The following ADAMTS17 variants were observed in gnomAD, a reference collection of about 807,000 sequenced individuals.
ADAMTS17 encodes the protein ADAM metallopeptidase with thrombospondin type 1 motif 17.
ADAMTS17 carries 113 observed loss-of-function variants against 141.5 expected under a neutral mutation model. The ratio of observed to expected loss-of-function variants is 0.80; its 90% CI spans 0.69 to 0.93. ADAMTS17 has a LOEUF of 0.93. Among genes scored for constraint, ADAMTS17 ranks in the 40% least tolerant of loss-of-function variants. The pLI, the probability that ADAMTS17 is intolerant of heterozygous loss-of-function variation, is 0.00. For missense variants in ADAMTS17, 1,659 were observed against 1,517.9 expected, an observed-to-expected ratio of 1.09 and a Z score of -1.54; for synonymous variants, 768 against 630.6, an observed-to-expected ratio of 1.22 and a Z score of -3.27.
intron 3 of ADAMTS17, among the ~76,000 whole-genome samples, chr15:100,315,947 C>A (rs1272568785): frequency 6.6e-6 from 1 of 152,222 alleles, no homozygotes; most frequent in East Asian, 1.9e-4. Context: ...AAGAGGCTCA[C>A]TTTGGCCAAG....
intron 3 of ADAMTS17, among the ~76,000 whole-genome samples, chr15:100,286,986 G>C (rs917621768): frequency 6.6e-6 from 1 of 152,192 alleles, no homozygotes; most frequent in African/African-American, 2.4e-5. Flanking sequence ...TCAAGAGATC[G>C]AGACCATCCT....
At chr15:100,140,840 C>T (rs559056253) in intron 10 of ADAMTS17, among the ~76,000 whole-genome samples, 12 of 152,160 alleles carry the variant, frequency 7.9e-5, no homozygotes, top group South Asian at 2.1e-4. Context: ...TGAGATGGGG[C>T]GCTCTGTGCT....
chr15:100,232,689 A>G (rs1227239615), intron 7 of ADAMTS17, among the ~76,000 whole-genome samples: 2 of 152,062 alleles, frequency 1.3e-5, no homozygotes, highest in African/African-American at 2.4e-5. Context: ...AAGTTATGTG[A>G]CCCCACCAAG....
At position 99,979,322 on chromosome 15, in the gene ADAMTS17, G is replaced by C. The variant is rs1200508466; in HGVS notation, c.2950-3100C>G. 3 of 152,092 alleles carry C rather than the reference G, an allele frequency of 2.0e-5. No individual in the cohort carries two copies. The East Asian group carries it at 5.8e-4, about 29-fold the overall frequency. The allele number at this position is 152,092 out of a possible 1,614,324, so 9.4% of individuals were successfully genotyped here. A position where few individuals can be genotyped will look rare whatever the true frequency, so the allele number is the denominator to read the frequency against. On this transcript the variant is annotated intron_variant, in intron 20 of 21. Transcript: ENST00000268070. ...GAAAATGGCTTGAACCCAGGAGGTG[G>C]AGGTTGTGGTGAGCTGCGATCGTGC...
chr15:100,063,243 G>C (rs1391324639), intron 15 of ADAMTS17, among the ~76,000 whole-genome samples: 1 of 152,218 alleles, frequency 6.6e-6, no homozygotes, highest in African/African-American at 2.4e-5. Context: ...TTAGACTTAA[G>C]ATTGTTGTTC....
chr15:100,282,420 G>A (rs564940430), intron 3 of ADAMTS17, among the ~76,000 whole-genome samples: 7 of 152,232 alleles, frequency 4.6e-5, no homozygotes, highest in South Asian at 2.1e-4. Context: ...AGACAGTACC[G>A]AGCCCTACAT....
chr15:100,292,572 T>TTATGAGAGACACTA (rs1436876313), intron 3 of ADAMTS17, among the ~76,000 whole-genome samples: 1 of 151,818 alleles, frequency 6.6e-6, no homozygotes, highest in Non-Finnish European at 1.5e-5. Context: ...CCGTGTGAAA[T>TTATGAGAGACACTA]TATGAGAGAC....
chr15:100,262,128 G>T (rs1420616530), intron 5 of ADAMTS17, among the ~76,000 whole-genome samples: 3 of 152,146 alleles, frequency 2.0e-5, no homozygotes, highest in African/African-American at 7.2e-5. Context: ...GGGAGAGGTG[G>T]ATGTGTGTGG....
chr15:100,101,596 T>A (rs1344189098), intron 14 of ADAMTS17, among the ~76,000 whole-genome samples: 2 of 152,236 alleles, frequency 1.3e-5, no homozygotes, highest in Admixed American at 1.3e-4. Flanking sequence ...GGACTGTGTC[T>A]GAGAATTCTT....
chr15:100,101,212 T>C (rs1240922561), intron 14 of ADAMTS17, among the ~76,000 whole-genome samples: 4 of 152,224 alleles, frequency 2.6e-5, no homozygotes, highest in African/African-American at 9.6e-5. Context: ...AGAAATGCCA[T>C]GCCACCTGCT....
chr15:100,324,038 A>AAAG (rs1555509002), intron 3 of ADAMTS17, among the ~76,000 whole-genome samples: 5 of 151,684 alleles, frequency 3.3e-5, no homozygotes, highest in African/African-American at 2.4e-5. Context: ...AAAAAAAAAA[A>AAAG]AAGAAGAAAG....
intron 18 of ADAMTS17, among the ~76,000 whole-genome samples, chr15:100,044,966 C>G (rs186894790): frequency 6.6e-6 from 1 of 152,040 alleles, no homozygotes; most frequent in South Asian, 2.1e-4. Context: ...CGCCACCATG[C>G]CTGGCTAATT....
chr15:100,088,996 A>G (rs2035281572), intron 15 of ADAMTS17, among the ~76,000 whole-genome samples: 2 of 151,470 alleles, frequency 1.3e-5, no homozygotes, highest in South Asian at 4.2e-4. Context: ...AATGGGATCT[A>G]ATTCAACTGA....
intron 15 of ADAMTS17, among the ~76,000 whole-genome samples, chr15:100,082,945 C>CA: frequency 6.6e-6 from 1 of 152,124 alleles, no homozygotes; most frequent in Admixed American, 6.5e-5. Context: ...ACCAAAATAC[C>CA]AGAATGAAGA....
At chr15:100,104,436 T>C (rs1409737183) in intron 14 of ADAMTS17, among the ~76,000 whole-genome samples, 1 of 152,224 alleles carries the variant, frequency 6.6e-6, no homozygotes, top group East Asian at 1.9e-4. Flanking sequence ...CAGAATAAAA[T>C]GGCATTTCCA....
At chr15:100,104,687 A>G (rs1342821680) in intron 14 of ADAMTS17, among the ~76,000 whole-genome samples, 1 of 152,202 alleles carries the variant, frequency 6.6e-6, no homozygotes, top group Non-Finnish European at 1.5e-5. Flanking sequence ...AATGTGGGTG[A>G]TTTGTATGTT....
intron 18 of ADAMTS17, among the ~76,000 whole-genome samples, chr15:100,043,700 G>A (rs1355231235): frequency 6.6e-6 from 1 of 152,248 alleles, no homozygotes; most frequent in Non-Finnish European, 1.5e-5. Flanking sequence ...GAGACCACAT[G>A]TGGCCTGCGA....
intron 15 of ADAMTS17, among the ~76,000 whole-genome samples, chr15:100,093,332 A>C (rs936997600): frequency 2.0e-5 from 3 of 152,070 alleles, no homozygotes; most frequent in African/African-American, 7.2e-5. Context: ...GGACTTCACA[A>C]AATTGGGCAA....
chr15:100,117,147 G>A (rs930204660), intron 12 of ADAMTS17, 134 bp from the exon 13 acceptor site: 62 of 1,022,410 alleles, frequency 6.1e-5, no homozygotes, highest in African/African-American at 7.9e-5. Flanking sequence ...CCTCTCTGCT[G>A]TTACAGACCA....
Sources: gnomAD v4.1 joint callset for allele counts (sites outside exome capture counted in the v4.1 genomes callset) on GRCh38, gnomAD v4.1.1 for gene constraint, MANE v1.5 for transcripts, NCBI Gene and HGNC (gene_info 2026-07-23, HGNC 2026-07-21) for gene names.